The following RC3H2 variants were observed in gnomAD, a reference collection of about 807,000 sequenced individuals.
RC3H2 encodes roquin-2.
RC3H2 carries 31 observed loss-of-function variants against 133.3 expected under a neutral mutation model. The observed-to-expected ratio is 0.23, with a 90% CI of 0.17 to 0.31. The LOEUF (loss-of-function observed/expected upper bound fraction) is 0.31. Among genes scored for constraint, RC3H2 ranks in the 10% least tolerant of loss-of-function variants. The pLI is 1.00. For synonymous variants in RC3H2, 517 were observed against 502.2 expected (o/e 1.03, Z -0.40); for missense variants, 1,175 against 1,437.2 (o/e 0.82, Z 2.95).
At chr9:122,896,061 TG>T (rs1283244774) in intron 2 of RC3H2, among the ~76,000 whole-genome samples, 3 of 150,078 alleles carry the variant, frequency 2.0e-5, no homozygotes, top group African/African-American at 2.5e-5. Flanking sequence ...TGGGCCATAC[TG>T]GAAGAATTGT....
chr9:122,891,460 G>T (rs1041627897), intron 3 of RC3H2, among the ~76,000 whole-genome samples: 17 of 151,976 alleles, frequency 1.1e-4, no homozygotes, highest in African/African-American at 3.4e-4. Flanking sequence ...CCAATTCCTT[G>T]TTTCACAATC....
chr9:122,868,945 A>T (rs142172072), intron 9 of RC3H2, among the ~76,000 whole-genome samples: 1 of 130,592 alleles, frequency 7.7e-6, no homozygotes, highest in Non-Finnish European at 1.5e-5. Context: ...CTTGTCGCCC[A>T]GGTTACAGTG....
At position 122,863,762 on chromosome 9, in the gene RC3H2, G is replaced by T. The variant is rs567339423; in HGVS notation, c.1634+1587C>A. 3.3e-5 allele frequency among the ~76,000 whole-genome samples: 5 copies of T among 151,580 alleles called. No homozygotes were observed. The South Asian group carries it at 1.0e-3, about 31-fold the overall frequency. On this transcript the variant is annotated intron_variant, in intron 10 of 20. Coordinates refer to ENST00000357244, the MANE Select transcript of RC3H2 (RefSeq NM_001100588.3). The stretch of plus-strand genomic sequence containing the variant: ...AAGTCCTTTTTTTTTTTGAGATGGA[G>T]TCTCACTCTTGTTGCCCAGGCTGGC...
At position 122,865,340 on chromosome 9, in the gene RC3H2, A is replaced by C; in HGVS notation, c.1634+9T>G. On this transcript the variant is annotated intron_variant, in intron 10 of 20. Transcript: ENST00000357244. ...GAATTTCCAGTAATCATTTTTACCT[A>C]ATACCTACTTTTCAGTTACAGAATC... is the stretch of plus-strand genomic sequence containing the variant. 6.3e-7 allele frequency: 1 copy of C among 1,590,802 alleles called. No individual in the cohort carries two copies. Among genetic ancestry groups the C allele is most frequent in the South Asian group, 1.1e-5 (1 of 88,826 alleles).
chr9:122,880,144 A>G lies in RC3H2; in HGVS notation c.961-19T>C. On this transcript the variant is annotated intron_variant, in intron 6 of 20. Transcript: ENST00000357244. ...ACTGTAGCTAACAAACAGAAATGAG[A>G]ATGCTTTTTACTTTGGTTCTTATGA... is the stretch of plus-strand genomic sequence containing the variant. 6.2e-7 allele frequency: 1 copy of G among 1,613,452 alleles called. No homozygotes were observed. Among genetic ancestry groups the G allele is most frequent in the South Asian group, 1.1e-5 (1 of 91,020 alleles).
chr9:122,850,729 G>A (rs1454218186), intron 20 of RC3H2, among the ~76,000 whole-genome samples: 1 of 152,020 alleles, frequency 6.6e-6, no homozygotes, highest in African/African-American at 2.4e-5. Context: ...GAGCCACTAC[G>A]CCCAGCCTAG....
intron 10 of RC3H2, among the ~76,000 whole-genome samples, chr9:122,860,401 CATTCT>C (rs1830411468): frequency 1.6e-5 from 2 of 122,780 alleles, no homozygotes; most frequent in African/African-American, 6.0e-5. Context: ...ACCATTTACC[CATTCT>C]TTTTTTTTTT....
intron 9 of RC3H2, among the ~76,000 whole-genome samples, chr9:122,867,637 A>G (rs1353560333): frequency 1.0e-5 from 1 of 98,416 alleles, no homozygotes; most frequent in Admixed American, 9.1e-5. Context: ...CTGCCCGGCC[A>G]CCCATTGTCT....
intron 9 of RC3H2, among the ~76,000 whole-genome samples, chr9:122,876,012 G>A (rs1025322965): frequency 6.6e-6 from 1 of 152,142 alleles, no homozygotes; most frequent in Non-Finnish European, 1.5e-5. Context: ...GGTGGACAGC[G>A]AGAGATTTAA....
chr9:122,904,759 C>G (rs1564327493), intron 1 of RC3H2, among the ~76,000 whole-genome samples: 1 of 152,154 alleles, frequency 6.6e-6, no homozygotes, highest in Non-Finnish European at 1.5e-5. Flanking sequence ...GACTTGGTTT[C>G]GAGGACCTCT....
rs746726870 is a variant in RC3H2 at position 122,865,610 on chromosome 9, G to C, written c.1373C>G (p.Pro458Arg). 1 of 1,613,882 alleles carries C rather than the reference G, an allele frequency of 6.2e-7. No homozygotes were observed. Among genetic ancestry groups the C allele is most frequent in the Non-Finnish European group, 8.5e-7 (1 of 1,180,002 alleles). ...GTTTACACCAACTTTATTTAGAAGAGGAAACGTTCTTACAGTGGCATTGAT... is the reference window on the plus strand; with the variant it reads ...GTTTACACCAACTTTATTTAGAAGACGAAACGTTCTTACAGTGGCATTGAT... ...KKINATVRTF[P>R]LLNKVGVNNT... The change falls in exon 10 of 21, where the codon CCT becomes CGT. Residue 458 changes from proline to arginine, a missense_variant. By Grantham distance (103) the Pro-to-Arg change is moderately radical. Coordinates refer to ENST00000357244, the MANE Select transcript of RC3H2 (RefSeq NM_001100588.3).
At chr9:122,851,494 T>G in intron 18 of RC3H2, 58 bp from the exon 19 acceptor site, 2 of 1,579,606 alleles carry the variant, frequency 1.3e-6, no homozygotes, top group East Asian at 4.5e-5. Context: ...ATGGTCTCCC[T>G]CTCCCCATGG....
chr9:122,861,220 G>T (rs1375717293), intron 10 of RC3H2, among the ~76,000 whole-genome samples: 1 of 152,116 alleles, frequency 6.6e-6, no homozygotes, highest in Non-Finnish European at 1.5e-5. Context: ...GCCGGGCACG[G>T]TGGCTCACAC....
At chr9:122,895,214 C>T (rs1465291739) in intron 2 of RC3H2, among the ~76,000 whole-genome samples, 2 of 150,534 alleles carry the variant, frequency 1.3e-5, no homozygotes, top group Admixed American at 1.3e-4. Flanking sequence ...GGCTGGAGTG[C>T]AGTGGCACGA....
intron 10 of RC3H2, among the ~76,000 whole-genome samples, chr9:122,862,904 A>G (rs965254093): frequency 1.3e-5 from 2 of 151,974 alleles, no homozygotes; most frequent in African/African-American, 2.4e-5. Context: ...AAAAAAAAAA[A>G]AAAAAAAAGT....
chr9:122,893,812 CAG>C (rs1443790646), intron 2 of RC3H2, among the ~76,000 whole-genome samples: 1 of 151,852 alleles, frequency 6.6e-6, no homozygotes, highest in Non-Finnish European at 1.5e-5. Flanking sequence ...ATTATTAAGA[CAG>C]AGTGTTCTCA....
intron 9 of RC3H2, among the ~76,000 whole-genome samples, chr9:122,872,268 T>C (rs1330365451): frequency 1.3e-5 from 2 of 152,226 alleles, no homozygotes; most frequent in Non-Finnish European, 2.9e-5. Flanking sequence ...TGGTCCATGT[T>C]GTCAGCTCTA....
intron 1 of RC3H2, among the ~76,000 whole-genome samples, chr9:122,898,889 C>G (rs1433009237): frequency 2.0e-5 from 3 of 151,986 alleles, no homozygotes; most frequent in Non-Finnish European, 4.4e-5. Context: ...CAAAAGCTCT[C>G]TGGTGAACAA....
At chr9:122,877,407 G>A (rs1831388065) in intron 9 of RC3H2, 64 bp downstream of exon 9, 3 of 1,260,900 alleles carry the variant, frequency 2.4e-6, no homozygotes, top group East Asian at 4.6e-5. Flanking sequence ...CTTCAGGACT[G>A]TATATAACAT....
Sources: gnomAD v4.1 joint callset for allele counts (sites outside exome capture counted in the v4.1 genomes callset) on GRCh38, gnomAD v4.1.1 for gene constraint, MANE v1.5 for transcripts, NCBI Gene and HGNC (gene_info 2026-07-23, HGNC 2026-07-21) for gene names.